The following PLD1 variants were observed in gnomAD, a reference collection of about 807,000 sequenced individuals.
PLD1 encodes choline phosphatase 1.
In PLD1, 112 loss-of-function variants were observed where a neutral mutation model predicts 137.1. The observed-to-expected ratio is 0.82, with a 90% CI of 0.70 to 0.96. The LOEUF is 0.96. Among genes scored for constraint, PLD1 ranks in the 40% least tolerant of loss-of-function variants. PLD1 has a pLI of 0.00. For synonymous variants in PLD1, 431 were observed against 454.7 expected (o/e 0.95, Z 0.66); for missense variants, 1,321 against 1,342.0 (o/e 0.98, Z 0.24).
At chr3:171,615,375 C>A (rs115983007) in intron 24 of PLD1, among the ~76,000 whole-genome samples, 1,541 of 152,100 alleles carry the variant, frequency 0.01, 38 homozygotes, top group African/African-American at 0.036. Context: ...GTGAATATGG[C>A]AAAATACAAA....
intron 23 of PLD1, among the ~76,000 whole-genome samples, chr3:171,631,207 T>C (rs999150974): frequency 6.6e-6 from 1 of 152,140 alleles, no homozygotes; most frequent in African/African-American, 2.4e-5. Context: ...CAAAACACTA[T>C]AAGCAAGTGT....
intron 1 of PLD1, among the ~76,000 whole-genome samples, chr3:171,808,973 T>C (rs1201945000): frequency 6.6e-6 from 1 of 151,768 alleles, no homozygotes; most frequent in Non-Finnish European, 1.5e-5. Context: ...TACAGGCGTG[T>C]GCCACCACGC....
At chr3:171,805,484 TAC>T (rs1322215177) in intron 1 of PLD1, among the ~76,000 whole-genome samples, 1 of 152,090 alleles carries the variant, frequency 6.6e-6, no homozygotes, top group Non-Finnish European at 1.5e-5. Flanking sequence ...CCCTTCCAAA[TAC>T]ACCTGGCCTC....
chr3:171,644,035 C>T (rs1735993817), intron 22 of PLD1, among the ~76,000 whole-genome samples: 2 of 152,092 alleles, frequency 1.3e-5, no homozygotes, highest in African/African-American at 4.8e-5. Flanking sequence ...AGCAGGAGGG[C>T]ATCTAAGTCT....
At chr3:171,755,187 A>C (rs1285213238) in intron 1 of PLD1, among the ~76,000 whole-genome samples, 1 of 152,084 alleles carries the variant, frequency 6.6e-6, no homozygotes, top group African/African-American at 2.4e-5. Flanking sequence ...ACTGGTATTT[A>C]TGGGGCTTTC....
At chr3:171,779,211 A>G (rs1722694093) in intron 1 of PLD1, among the ~76,000 whole-genome samples, 1 of 152,218 alleles carries the variant, frequency 6.6e-6, no homozygotes. Context: ...ATGAAAAATA[A>G]AAATAAAAAA....
chr3:171,740,079 C>A (rs1719668213), intron 1 of PLD1, among the ~76,000 whole-genome samples: 1 of 152,152 alleles, frequency 6.6e-6, no homozygotes, highest in African/African-American at 2.4e-5. Flanking sequence ...TGAGCCATTT[C>A]ATCTCTAGAG....
At chr3:171,748,115 G>A (rs1720381949) in intron 1 of PLD1, among the ~76,000 whole-genome samples, 1 of 152,168 alleles carries the variant, frequency 6.6e-6, no homozygotes, top group Non-Finnish European at 1.5e-5. Context: ...TTTAGATGAG[G>A]ATTCCGAGTC....
intron 1 of PLD1, among the ~76,000 whole-genome samples, chr3:171,799,456 C>T (rs187321308): frequency 1.4e-3 from 208 of 150,904 alleles, no homozygotes; most frequent in Admixed American, 2.9e-3. Context: ...GAAACAAGGC[C>T]ACCTAAGTGT....
rs151248167 is a variant in PLD1 at position 171,682,544 on chromosome 3, G to T, written c.1867+4141C>A. ...TCATATTCAGTTTTAAATTTCTAAC[G>T]AAGAGTCACTCCATGCTTAATTTGG... On this transcript the variant is annotated intron_variant, in intron 16 of 26. Coordinates refer to ENST00000351298, the MANE Select transcript of PLD1 (RefSeq NM_002662.5). 7.0e-3 allele frequency among the ~76,000 whole-genome samples: 1,071 copies of T among 152,332 alleles called. 9 individuals are homozygous for T. The highest frequency in any genetic ancestry group is 0.014 in the Middle Eastern group (4 of 294).
chr3:171,671,389 C>T (rs1460585269), intron 19 of PLD1, among the ~76,000 whole-genome samples: 2 of 152,194 alleles, frequency 1.3e-5, no homozygotes, highest in Non-Finnish European at 2.9e-5. Context: ...ACTAAACTAT[C>T]TTTAACTTTT....
intron 21 of PLD1, among the ~76,000 whole-genome samples, chr3:171,652,368 G>A (rs112337947): frequency 0.029 from 4,295 of 148,372 alleles, 152 homozygotes; most frequent in African/African-American, 0.084. Context: ...AGCCAAGATC[G>A]CGCCACTGCA....
At chr3:171,775,671 C>T (rs537884892) in intron 1 of PLD1, among the ~76,000 whole-genome samples, 32 of 152,060 alleles carry the variant, frequency 2.1e-4, no homozygotes, top group African/African-American at 7.5e-4. Flanking sequence ...GGTGAAACCC[C>T]GTCTCTACTA....
intron 1 of PLD1, among the ~76,000 whole-genome samples, chr3:171,753,338 T>C (rs577391036): frequency 6.6e-6 from 1 of 152,294 alleles, no homozygotes; most frequent in East Asian, 1.9e-4. Flanking sequence ...TAACAAGAAA[T>C]GGCAAGTTAA....
At chr3:171,657,672 G>GC (rs1248688693) in intron 21 of PLD1, among the ~76,000 whole-genome samples, 1 of 152,082 alleles carries the variant, frequency 6.6e-6, no homozygotes, top group Non-Finnish European at 1.5e-5. Context: ...AAATGTAGGA[G>GC]CTAACACTAT....
At chr3:171,694,928 G>C (rs1157181748) in intron 12 of PLD1, among the ~76,000 whole-genome samples, 1 of 152,028 alleles carries the variant, frequency 6.6e-6, no homozygotes, top group Non-Finnish European at 1.5e-5. Context: ...TGTCTTTTTA[G>C]CTTAAAGACA....
At chr3:171,621,419 CA>C (rs1420735179) in intron 23 of PLD1, among the ~76,000 whole-genome samples, 1 of 152,052 alleles carries the variant, frequency 6.6e-6, no homozygotes, top group African/African-American at 2.4e-5. Flanking sequence ...AGAGAGCATA[CA>C]TTTTTTTTTG....
At chr3:171,621,331 C>G (rs1340919913) in intron 23 of PLD1, among the ~76,000 whole-genome samples, 2 of 152,124 alleles carry the variant, frequency 1.3e-5, no homozygotes, top group Non-Finnish European at 2.9e-5. Context: ...TTCTCCCACA[C>G]AGCAGTTGTC....
chr3:171,620,288 A>C (rs1437762332), intron 24 of PLD1, 98 bp downstream of exon 24: 1 of 809,342 alleles, frequency 1.2e-6, no homozygotes, highest in Non-Finnish European at 1.9e-6. Context: ...TGTCTGTTTC[A>C]AATGCAAAGG....
Sources: gnomAD v4.1 joint callset for allele counts (sites outside exome capture counted in the v4.1 genomes callset) on GRCh38, gnomAD v4.1.1 for gene constraint, MANE v1.5 for transcripts, NCBI Gene and HGNC (gene_info 2026-07-23, HGNC 2026-07-21) for gene names.